The following SYNJ1 variants were observed in gnomAD, a reference collection of about 807,000 sequenced individuals.
SYNJ1 encodes the protein synaptojanin 1.
A neutral mutation model predicts 168.2 loss-of-function variants in SYNJ1; 78 were observed. The observed-to-expected ratio is 0.46, with a 90% CI of 0.39 to 0.56. The LOEUF (loss-of-function observed/expected upper bound fraction) is 0.56. Among genes scored for constraint, SYNJ1 ranks in the 20% least tolerant of loss-of-function variants. The pLI is 0.00. For synonymous variants in SYNJ1, 539 were observed against 548.6 expected (o/e 0.98, Z 0.24); for missense variants, 1,303 against 1,597.6 (o/e 0.82, Z 3.14).
At chr21:32,637,406 C>CTTTTTTTTTTTTT (rs5843562) in intron 31 of SYNJ1, among the ~76,000 whole-genome samples, 3 of 100,298 alleles carry the variant, frequency 3.0e-5, no homozygotes, top group African/African-American at 4.1e-5. Flanking sequence ...TTTCTTTTTT[C>CTTTTTTTTTTTTT]TTTTTTTTTT....
intron 2 of SYNJ1, 112 bp downstream of exon 2, chr21:32,726,660 G>T: frequency 1.5e-6 from 2 of 1,356,786 alleles, no homozygotes; most frequent in South Asian, 1.4e-5. Context: ...TAATCTGCTA[G>T]AGGAAATACA....
At chr21:32,674,164 C>G (rs2041312552) in intron 13 of SYNJ1, among the ~76,000 whole-genome samples, 1 of 152,198 alleles carries the variant, frequency 6.6e-6, no homozygotes, top group South Asian at 2.1e-4. Context: ...TTTCCACCCT[C>G]ATCTTCCACT....
At chr21:32,693,372 C>A (rs1008496894) in intron 6 of SYNJ1, among the ~76,000 whole-genome samples, 1 of 152,146 alleles carries the variant, frequency 6.6e-6, no homozygotes, top group Non-Finnish European at 1.5e-5. Context: ...AGAATTTTTG[C>A]AGAGCAGTAG....
intron 30 of SYNJ1, 67 bp downstream of exon 30, chr21:32,639,604 C>T (rs1569027137): frequency 7.5e-7 from 1 of 1,329,600 alleles, no homozygotes; most frequent in Non-Finnish European, 1.1e-6. Flanking sequence ...CACTATGTTG[C>T]CCAAGCTGGT....
chr21:32,689,797 CTCTT>C (rs1216224530), intron 6 of SYNJ1, among the ~76,000 whole-genome samples: 1 of 152,204 alleles, frequency 6.6e-6, no homozygotes, highest in Admixed American at 6.5e-5. Context: ...AGGGGATTCT[CTCTT>C]TAATTTTTAA....
At chr21:32,640,687 G>A (rs1404104968) in intron 29 of SYNJ1, among the ~76,000 whole-genome samples, 2 of 152,130 alleles carry the variant, frequency 1.3e-5, no homozygotes, top group Non-Finnish European at 2.9e-5. Context: ...GTAGTCCCCT[G>A]CGTAGCTGGG....
intron 9 of SYNJ1, among the ~76,000 whole-genome samples, chr21:32,685,416 C>T (rs975551247): frequency 2.6e-4 from 34 of 129,176 alleles, no homozygotes; most frequent in Non-Finnish European, 3.5e-4. Context: ...GGGAGACCCC[C>T]GTCTCTACCA....
At chr21:32,715,087 C>G (rs2042973495) in intron 2 of SYNJ1, among the ~76,000 whole-genome samples, 1 of 152,142 alleles carries the variant, frequency 6.6e-6, no homozygotes, top group Non-Finnish European at 1.5e-5. Context: ...AAGATATATT[C>G]CCAATGCTAA....
In SYNJ1 at chr21:32,646,591, C is replaced by A. The variant is rs2040081654; in HGVS notation, c.3049G>T (p.Asp1017Tyr). Residue 1017 changes from aspartate to tyrosine, a missense_variant, in exon 24 of 33, where the codon GAC (aspartate) becomes TAC (tyrosine). By Grantham distance (160) the Asp-to-Tyr change is radical. Around this residue, in one of 2 missense-constraint regions of SYNJ1, gnomAD observed 383 missense variants for 388.8 expected, o/e 0.99. Transcript: ENST00000674351. ...ADFDMEGDVD[D>Y]YSAEVEELLP... ...AGTTCCTCCACTTCAGCACTATAGT[C>A]ATCAACATCACCTAAGGAAAAGCAG... The A allele has an allele frequency of 4.3e-6, 7 of 1,613,692 alleles. No individual in the cohort carries two copies. Among genetic ancestry groups the A allele is most frequent in the South Asian group, 1.1e-5 (1 of 90,992 alleles).
chr21:32,654,754 A>C (rs896401585), intron 21 of SYNJ1, among the ~76,000 whole-genome samples: 1 of 152,222 alleles, frequency 6.6e-6, no homozygotes, highest in East Asian at 1.9e-4. Context: ...CTACAGTAAA[A>C]GCTTCTAGAC....
intron 6 of SYNJ1, among the ~76,000 whole-genome samples, chr21:32,691,209 A>G (rs2042014722): frequency 6.6e-6 from 1 of 152,116 alleles, no homozygotes; most frequent in South Asian, 2.1e-4. Context: ...ATGGTTTGGC[A>G]CTATGCCCCC....
chr21:32,631,717 C>T lies in SYNJ1; in HGVS notation c.*88G>A. 1 of 1,614,176 alleles carries T rather than the reference C, an allele frequency of 6.2e-7. No homozygotes were observed. The highest frequency in any genetic ancestry group is 1.1e-5 in the South Asian group (1 of 91,086). On this transcript the variant is annotated 3_prime_UTR_variant, in exon 33 of 33. Coordinates refer to ENST00000674351, the MANE Select transcript of SYNJ1 (RefSeq NM_203446.3). Reference sequence around the variant, plus strand: ...ACAGATAGCTGAGCCTTTGATACAGCAAGCAGATTAAATGACAGATCTTCA... The same window carrying T: ...ACAGATAGCTGAGCCTTTGATACAGTAAGCAGATTAAATGACAGATCTTCA...
At chr21:32,634,476 T>C (rs1382450956) in intron 32 of SYNJ1, among the ~76,000 whole-genome samples, 1 of 152,124 alleles carries the variant, frequency 6.6e-6, no homozygotes, top group Non-Finnish European at 1.5e-5. Context: ...CCCCCAAATA[T>C]TTTTTCCTAA....
At chr21:32,696,244 T>C (rs2042209293) in intron 4 of SYNJ1, among the ~76,000 whole-genome samples, 1 of 152,188 alleles carries the variant, frequency 6.6e-6, no homozygotes, top group Non-Finnish European at 1.5e-5. Context: ...GCTACCACAT[T>C]AGATAGTGCA....
chr21:32,671,828 C>T (rs756188148), intron 14 of SYNJ1, among the ~76,000 whole-genome samples: 1 of 152,010 alleles, frequency 6.6e-6, no homozygotes, highest in African/African-American at 2.4e-5. Flanking sequence ...GAAGCCGAGG[C>T]GGGTGGATCA....
upstream of SYNJ1, chr21:32,728,071 C>G: frequency 1.3e-6 from 2 of 1,522,198 alleles, no homozygotes; most frequent in Non-Finnish European, 1.8e-6. Context: ...AAGATCCGCC[C>G]CGCGCGAGGG....
At chr21:32,635,027 T>C in intron 31 of SYNJ1, 143 bp from the exon 32 acceptor site, 1 of 824,334 alleles carries the variant, frequency 1.2e-6, no homozygotes, top group Non-Finnish European at 1.9e-6. Flanking sequence ...GGTTGTAACA[T>C]AAATTCAAAA....
intron 23 of SYNJ1, among the ~76,000 whole-genome samples, chr21:32,647,884 T>C (rs944063830): frequency 6.6e-6 from 1 of 152,156 alleles, no homozygotes; most frequent in Non-Finnish European, 1.5e-5. Context: ...ATTTGCTGGT[T>C]TGCTCTTCCC....
At chr21:32,689,422 G>A (rs1466572583) in intron 6 of SYNJ1, among the ~76,000 whole-genome samples, 3 of 152,124 alleles carry the variant, frequency 2.0e-5, no homozygotes, top group East Asian at 3.9e-4. Context: ...TCAGCCTCCC[G>A]AGTGGCTGGG....
Sources: allele counts gnomAD v4.1 joint callset (sites outside exome capture counted in the v4.1 genomes callset), GRCh38; gene constraint gnomAD v4.1.1; regional missense constraint gnomAD v4.1.1; transcripts MANE v1.5; gene names NCBI Gene and HGNC (gene_info 2026-07-23, HGNC 2026-07-21).